Variants in RMND5A observed in about 807,000 individuals in gnomAD.
The protein encoded by RMND5A is E3 ubiquitin-protein transferase RMND5A.
RMND5A carries 17 observed loss-of-function variants against 49.7 expected under a neutral mutation model. The ratio of observed to expected loss-of-function variants is 0.34; its 90% confidence interval spans 0.23 to 0.51. The LOEUF (loss-of-function observed/expected upper bound fraction) is 0.51, where lower values mean the gene tolerates loss of function less well. Ranked by LOEUF, RMND5A falls within the 20% of genes least tolerant of loss-of-function variation. The pLI is 0.96. For missense variants in RMND5A, 255 were observed against 471.3 expected (o/e 0.54, Z 4.25); for synonymous variants, 156 against 167.7 (o/e 0.93, Z 0.54).
At chr2:86,743,605 C>CA (rs937633971) in intron 2 of RMND5A, among the ~76,000 whole-genome samples, 1 of 151,898 alleles carries the variant, frequency 6.6e-6, no homozygotes, top group Admixed American at 6.6e-5. Flanking sequence ...GTGCCCAGCC[C>CA]AAAAAATTGT....
chr2:86,752,090 T>C lies in RMND5A; in HGVS notation c.420+60T>C, dbSNP rs188891336. 2.3e-5 allele frequency: 36 copies of C among 1,564,186 alleles called. 1 individual carries two copies. The East Asian group carries it at 7.2e-4, about 31-fold the overall frequency. Reference sequence around the variant, plus strand: ...AAACAAGGGAACTCCTTGGAGTTTATAGTATTTGCAGGGTGGGGTTTTGAG... The same window carrying C: ...AAACAAGGGAACTCCTTGGAGTTTACAGTATTTGCAGGGTGGGGTTTTGAG... On this transcript the variant is annotated intron_variant, in intron 3 of 8. Transcript: ENST00000283632.
Position 86,773,417 on chromosome 2 carries a change from T to G in RMND5A, c.*6T>G. 6.3e-7 allele frequency: 1 copy of G among 1,587,326 alleles called. No individual in the cohort carries two copies. On this transcript the variant is annotated 3_prime_UTR_variant, in exon 9 of 9. Coordinates refer to ENST00000283632, the MANE Select transcript of RMND5A (RefSeq NM_022780.4). The stretch of plus-strand genomic sequence containing the variant: ...CCAAACAGATATTTTTCTGAAGAGA[T>G]AACTTTAGTTTGCAATTTGTAAGTG...
chr2:86,762,067 C>A (rs143033259), intron 4 of RMND5A, among the ~76,000 whole-genome samples: 135 of 152,244 alleles, frequency 8.9e-4, no homozygotes, highest in Non-Finnish European at 1.4e-3. Context: ...TTTACTTTTA[C>A]ATTAGCTTAA....
At chr2:86,756,344 G>C (rs1269635550) in intron 4 of RMND5A, among the ~76,000 whole-genome samples, 1 of 152,044 alleles carries the variant, frequency 6.6e-6, no homozygotes, top group African/African-American at 2.4e-5. Context: ...AGTGAACCAA[G>C]ACCACACCAC....
Position 86,774,652 on chromosome 2 carries a change from G to A in RMND5A, c.*1241G>A, listed in dbSNP as rs1180647435. 2.0e-5 allele frequency: 3 copies of A among 152,626 alleles called. No individual in the cohort carries two copies. Among genetic ancestry groups the A allele is most frequent in the South Asian group, 4.1e-4 (2 of 4,828 alleles). 9.5% of individuals were successfully genotyped at this position (152,626 alleles called of 1,614,324 possible). A position where few individuals can be genotyped will look rare whatever the true frequency, so the allele number is the denominator to read the frequency against. ...GACTTCTGTGGACATAATTCTGACC[G>A]AAACCCATGAAGTTACTTCAGTATA... On this transcript the variant is annotated 3_prime_UTR_variant, in exon 9 of 9. Transcript: ENST00000283632.
intron 2 of RMND5A, among the ~76,000 whole-genome samples, chr2:86,743,756 C>T (rs1455747123): frequency 2.0e-5 from 3 of 152,080 alleles, no homozygotes; most frequent in Admixed American, 6.6e-5. Flanking sequence ...GAGGCCGAGG[C>T]AGGCGGATCA....
At chr2:86,753,081 G>A (rs1681663778) in intron 3 of RMND5A, among the ~76,000 whole-genome samples, 2 of 152,150 alleles carry the variant, frequency 1.3e-5, no homozygotes, top group South Asian at 2.1e-4. Flanking sequence ...AAACTCTTAG[G>A]GACTTAGCAC....
intron 5 of RMND5A, 123 bp downstream of exon 5, chr2:86,765,316 T>C (rs1558726288): frequency 1.2e-6 from 1 of 863,884 alleles, no homozygotes; most frequent in Non-Finnish European, 1.7e-6. Flanking sequence ...GATAATCACT[T>C]ACAGGAAAAG....
chr2:86,761,824 A>G (rs1444406742), intron 4 of RMND5A, among the ~76,000 whole-genome samples: 1 of 152,186 alleles, frequency 6.6e-6, no homozygotes, highest in African/African-American at 2.4e-5. Flanking sequence ...GAATTAAGCA[A>G]TGCTAGTTTT....
At chr2:86,752,276 C>G (rs968530691) in intron 3 of RMND5A, among the ~76,000 whole-genome samples, 2 of 152,110 alleles carry the variant, frequency 1.3e-5, no homozygotes, top group African/African-American at 4.8e-5. Flanking sequence ...AAGGTTAGTC[C>G]CAGTTCATGA....
Position 86,753,744 on chromosome 2 carries a change from A to G in RMND5A, c.521+186A>G, listed in dbSNP as rs189803914. Among the ~76,000 whole-genome samples, 646 of 152,318 alleles carry G rather than the reference A, an allele frequency of 4.2e-3. 7 individuals are homozygous for G. Among genetic ancestry groups the G allele is most frequent in the African/African-American group, 0.015 (618 of 41,562 alleles). On this transcript the variant is annotated intron_variant, in intron 4 of 8. Transcript: ENST00000283632. ...TATGGGGGGTGTGCAATATGAGAAA[A>G]TGGTTGGAGCTTATTTCACTTATCA...
chr2:86,769,128 A>C (rs1411730140), intron 6 of RMND5A, among the ~76,000 whole-genome samples: 2 of 152,074 alleles, frequency 1.3e-5, no homozygotes, highest in Non-Finnish European at 2.9e-5. Flanking sequence ...TATCTTTTGT[A>C]GAGACGGGGG....
At chr2:86,760,366 TG>T (rs764931552) in intron 4 of RMND5A, among the ~76,000 whole-genome samples, 2 of 152,222 alleles carry the variant, frequency 1.3e-5, no homozygotes, top group Non-Finnish European at 2.9e-5. Flanking sequence ...ATTGAACCTA[TG>T]GGCAGTCTTT....
At chr2:86,749,411 A>G (rs1319400940) in intron 2 of RMND5A, among the ~76,000 whole-genome samples, 1 of 148,596 alleles carries the variant, frequency 6.7e-6, no homozygotes, top group African/African-American at 2.5e-5. Context: ...TTTTTTTGAG[A>G]TGGAGTCTTG....
chr2:86,765,768 T>C, intron 5 of RMND5A, 91 bp from the exon 6 acceptor site: 2 of 1,090,048 alleles, frequency 1.8e-6, no homozygotes, highest in Non-Finnish European at 2.6e-6. Context: ...TACATTATTT[T>C]AGGCTGTATC....
intron 4 of RMND5A, among the ~76,000 whole-genome samples, chr2:86,756,101 G>A (rs1161842396): frequency 6.6e-6 from 1 of 152,082 alleles, no homozygotes; most frequent in African/African-American, 2.4e-5. Flanking sequence ...CTTATTAAGT[G>A]TATCATCAAG....
In RMND5A at chr2:86,774,322, C is replaced by G. The variant is rs1672730295; in HGVS notation, c.*911C>G. 6.6e-6 allele frequency: 1 copy of G among 152,600 alleles called. No homozygotes were observed. Among genetic ancestry groups the G allele is most frequent in the South Asian group, 2.1e-4 (1 of 4,830 alleles). The allele number at this position is 152,600 out of a possible 1,614,324, so 9.5% of individuals were successfully genotyped here. A position where few individuals can be genotyped will look rare whatever the true frequency, so the allele number is the denominator to read the frequency against. ...TGCACCAGCATCAAACATTGTGTATCTGGAAGGAAAGCAGCATGTTCCAGT... is the reference window on the plus strand; with the variant it reads ...TGCACCAGCATCAAACATTGTGTATGTGGAAGGAAAGCAGCATGTTCCAGT... On this transcript the variant is annotated 3_prime_UTR_variant, in exon 9 of 9. Transcript: ENST00000283632.
intron 6 of RMND5A, among the ~76,000 whole-genome samples, chr2:86,766,494 C>T (rs1357881192): frequency 6.6e-6 from 1 of 151,906 alleles, no homozygotes; most frequent in Non-Finnish European, 1.5e-5. Context: ...TGAAACCCGC[C>T]TCTACTAAAA....
intron 2 of RMND5A, 22 bp from the exon 3 acceptor site, chr2:86,751,874 C>T (rs1305519082): frequency 1.2e-6 from 2 of 1,604,730 alleles, no homozygotes; most frequent in African/African-American, 1.3e-5. Flanking sequence ...TTTATGATTC[C>T]CTTTCTCTTT....
Sources: allele counts gnomAD v4.1 joint callset (sites outside exome capture counted in the v4.1 genomes callset), GRCh38; gene constraint gnomAD v4.1.1; transcripts MANE v1.5; gene names NCBI Gene and HGNC (gene_info 2026-07-23, HGNC 2026-07-21).